The following CFAP46 variants were observed in gnomAD, a reference collection of about 807,000 sequenced individuals.
CFAP46 encodes cilia- and flagella-associated protein 46.
CFAP46 carries 245 observed loss-of-function variants against 325.7 expected under a neutral mutation model. That is an observed-to-expected ratio of 0.75 (90% confidence interval 0.68 to 0.84). The LOEUF (loss-of-function observed/expected upper bound fraction) is 0.84. Among genes scored for constraint, CFAP46 ranks in the 40% least tolerant of loss-of-function variants. The probability of loss-of-function intolerance (pLI) is 0.00; values close to 1 mark genes in which losing one functional copy is unlikely to be tolerated. For missense variants in CFAP46, 3,346 were observed against 3,543.0 expected (o/e 0.94, Z 1.41); for synonymous variants, 1,523 against 1,495.9 (o/e 1.02, Z -0.42).
chr10:132,850,460 G>A lies in CFAP46; in HGVS notation c.5764-28C>T, dbSNP rs376330259. 4.9e-4 allele frequency: 739 copies of A among 1,520,714 alleles called. 4 individuals carry two copies. In the Middle Eastern group the frequency reaches 0.018, roughly 36 times the overall value. 94.2% of individuals were successfully genotyped at this position (1,520,714 alleles called of 1,614,324 possible). A position where few individuals can be genotyped will look rare whatever the true frequency, so the allele number is the denominator to read the frequency against. On this transcript the variant is annotated intron_variant, in intron 40 of 57. Transcript: ENST00000368586. ...TCGAAAAGACAGACATGTTACAGCT[G>A]CCACCCCAAGGGCAACCGCCCACCC...
rs768288009 is a variant in CFAP46, at chr10:132,881,081, C to T, written c.3628-49G>A. Reference sequence around the variant, plus strand: ...GACATCCTCAGGATGGCCCTGAAGGCGTTCCTGACGCAGTGGAATACTTTT... The same window carrying T: ...GACATCCTCAGGATGGCCCTGAAGGTGTTCCTGACGCAGTGGAATACTTTT... On this transcript the variant is annotated intron_variant, in intron 27 of 57. Coordinates refer to ENST00000368586, the MANE Select transcript of CFAP46 (RefSeq NM_001200049.3). 3.7e-4 allele frequency: 555 copies of T among 1,489,164 alleles called. 1 individual carries two copies. Among genetic ancestry groups the T allele is most frequent in the Non-Finnish European group, 4.7e-4 (517 of 1,092,858 alleles). 92.2% of individuals were successfully genotyped at this position (1,489,164 alleles called of 1,614,324 possible). A position where few individuals can be genotyped will look rare whatever the true frequency, so the allele number is the denominator to read the frequency against.
In CFAP46 at chr10:132,836,232, G is replaced by A. The variant is rs1168434501; in HGVS notation, c.6537-14C>T. On this transcript the variant is annotated splice_polypyrimidine_tract_variant and intron_variant, in intron 45 of 57. Coordinates refer to ENST00000368586, the MANE Select transcript of CFAP46 (RefSeq NM_001200049.3). ...TACAGACGGGACCTGCTGGCAGGAC[G>A]TGGGCCAGGGTCGCAGGCAAGCCAT... The A allele has an allele frequency of 3.1e-6, 5 of 1,610,402 alleles. No homozygotes were observed. Among genetic ancestry groups the A allele is most frequent in the Non-Finnish European group, 4.2e-6 (5 of 1,179,286 alleles).
intron 24 of CFAP46, among the ~76,000 whole-genome samples, chr10:132,892,806 C>G (rs1035146857): frequency 6.6e-6 from 1 of 152,172 alleles, no homozygotes; most frequent in Admixed American, 6.5e-5. Flanking sequence ...CCAGTTTTGC[C>G]TCAGCTTCTT....
intron 50 of CFAP46, among the ~76,000 whole-genome samples, chr10:132,822,562 A>G (rs1463353381): frequency 1.2e-5 from 1 of 80,130 alleles, no homozygotes; most frequent in Non-Finnish European, 2.3e-5. Context: ...GTGTGCGCTG[A>G]TGTGTGCTGT....
At chr10:132,928,624 T>C (rs980616411) in intron 9 of CFAP46, among the ~76,000 whole-genome samples, 3 of 152,220 alleles carry the variant, frequency 2.0e-5, no homozygotes, top group Non-Finnish European at 4.4e-5. Context: ...CGTTCACTCT[T>C]AGGTAACCTG....
At position 132,833,468 on chromosome 10, in the gene CFAP46, A is replaced by G; in HGVS notation, c.7007T>C (p.Leu2336Pro). 2 of 1,614,182 alleles carry G rather than the reference A, an allele frequency of 1.2e-6. No homozygotes were observed. The highest frequency in any genetic ancestry group is 1.1e-5 in the South Asian group (1 of 91,078). The change falls in exon 50 of 58, where the codon CTG (leucine) becomes CCG (proline). Residue 2336 changes from leucine to proline, a missense_variant. Transcript: ENST00000368586. ...KIVLVADRHL[L>P]ELPLEGLSVF... ...AGAGAGACCTTCCAGTGGCAGCTCC[A>G]GGAGATGTCTGTCTGCGACCAGGAC...
chr10:132,884,113 G>T lies in CFAP46; in HGVS notation c.3627+990C>A, dbSNP rs965420211. On this transcript the variant is annotated intron_variant, in intron 27 of 57. Transcript: ENST00000368586. The surrounding 1 kb of genome is among the most constrained non-coding windows in gnomAD (Gnocchi z 5.4). ...CAGCTGGGTCCTGCCTTCCCCAGCC[G>T]CCCGCAGCCTCCCCTCCTCAGGCCC... Among the ~76,000 whole-genome samples the T allele has an allele frequency of 6.6e-6, 1 of 152,190 alleles. No individual in the cohort carries two copies. The highest frequency in any genetic ancestry group is 2.4e-5 in the African/African-American group (1 of 41,458).
chr10:132,820,738 GAT>G (rs1292212491), intron 50 of CFAP46, among the ~76,000 whole-genome samples: 1 of 125,844 alleles, frequency 7.9e-6, no homozygotes, highest in East Asian at 2.5e-4. Flanking sequence ...TGTGTGCACT[GAT>G]GTGTGCTGTG....
intron 13 of CFAP46, 123 bp from the exon 14 acceptor site, chr10:132,920,305 G>T: frequency 1.6e-6 from 2 of 1,240,630 alleles, no homozygotes; most frequent in Non-Finnish European, 2.1e-6. Flanking sequence ...GGCTCCAGGG[G>T]CCCTAGATCC....
At chr10:132,856,061 T>C (rs1013591289) in intron 39 of CFAP46, among the ~76,000 whole-genome samples, 3 of 152,214 alleles carry the variant, frequency 2.0e-5, no homozygotes, top group African/African-American at 4.8e-5. Context: ...TGGAGAAACA[T>C]CTTTATCTCA....
rs982826569 is a variant in CFAP46, at chr10:132,878,098, T to C, written c.4006-11A>G. On this transcript the variant is annotated splice_polypyrimidine_tract_variant and intron_variant, in intron 29 of 57. Coordinates refer to ENST00000368586, the MANE Select transcript of CFAP46 (RefSeq NM_001200049.3). Reference sequence around the variant, plus strand: ...TGTCATCAAAGAAACCTGGTGGGGATGAAATCCACATTTGCAGCACTGAAA... The same window carrying C: ...TGTCATCAAAGAAACCTGGTGGGGACGAAATCCACATTTGCAGCACTGAAA... The C allele has an allele frequency of 7.7e-6, 12 of 1,548,476 alleles. No individual in the cohort carries two copies. The highest frequency in any genetic ancestry group is 6.9e-5 in the African/African-American group (5 of 72,960).
At chr10:132,836,937 CAG>C (rs1848259846) in intron 44 of CFAP46, 23 bp from the exon 45 acceptor site, 1 of 1,561,072 alleles carries the variant, frequency 6.4e-7, no homozygotes, top group African/African-American at 1.4e-5. Flanking sequence ...AAACGGCCAT[CAG>C]GGGATGCATT....
intron 50 of CFAP46, among the ~76,000 whole-genome samples, chr10:132,816,450 G>C (rs1225642026): frequency 2.7e-5 from 4 of 150,526 alleles, no homozygotes; most frequent in Non-Finnish European, 5.9e-5. Context: ...TCCTGCCTCA[G>C]CCTCCCGAGT....
Position 132,847,127 on chromosome 10 carries a change from C to T in CFAP46, c.6088-16G>A. ...CCATCCTCCTCTGTGGGGCACAAGGCTCAGGCTCAGGCCAGGCTCCGGGCA... is the reference window on the plus strand; with the variant it reads ...CCATCCTCCTCTGTGGGGCACAAGGTTCAGGCTCAGGCCAGGCTCCGGGCA... On this transcript the variant is annotated splice_polypyrimidine_tract_variant and intron_variant, in intron 42 of 57. Coordinates refer to ENST00000368586, the MANE Select transcript of CFAP46 (RefSeq NM_001200049.3). The surrounding 1 kb of genome is among the most constrained non-coding windows in gnomAD (Gnocchi z 5.2). 1 of 1,608,088 alleles carries T rather than the reference C, an allele frequency of 6.2e-7. No individual in the cohort carries two copies. The highest frequency in any genetic ancestry group is 8.5e-7 in the Non-Finnish European group (1 of 1,177,660).
At chr10:132,887,683 TC>T (rs1317959034) in intron 25 of CFAP46, among the ~76,000 whole-genome samples, 3 of 105,628 alleles carry the variant, frequency 2.8e-5, no homozygotes, top group African/African-American at 1.1e-4. Context: ...CTCTCTCCTC[TC>T]CTCTCTCTCT....
chr10:132,845,651 A>T (rs1340258529), intron 44 of CFAP46, among the ~76,000 whole-genome samples: 1 of 152,234 alleles, frequency 6.6e-6, no homozygotes, highest in Non-Finnish European at 1.5e-5. Context: ...TGCTCCACAG[A>T]CATGTTTCTC....
chr10:132,831,628 T>C (rs970580033), intron 50 of CFAP46, among the ~76,000 whole-genome samples: 3 of 152,230 alleles, frequency 2.0e-5, no homozygotes, highest in South Asian at 2.1e-4. Context: ...TTTCTTTGTA[T>C]TTAAAGTGGG....
At chr10:132,812,248 C>A (rs1271302579) in intron 55 of CFAP46, among the ~76,000 whole-genome samples, 1 of 152,248 alleles carries the variant, frequency 6.6e-6, no homozygotes, top group Non-Finnish European at 1.5e-5. Flanking sequence ...CCCCAGCCTG[C>A]CCTGCCATCC....
Position 132,817,674 on chromosome 10 carries a change from C to T in CFAP46, c.7118-2760G>A, listed in dbSNP as rs139387244. Among the ~76,000 whole-genome samples, 182 of 152,332 alleles carry T rather than the reference C, an allele frequency of 1.2e-3. 1 individual carries two copies. The East Asian group carries it at 0.033, about 28-fold the overall frequency. ...ACACCTGGCGGCGCCCCAGACTCAG[C>T]GGTTGGCGGCTGAGGACACTCAAGG... On this transcript the variant is annotated intron_variant, in intron 50 of 57. Coordinates refer to ENST00000368586, the MANE Select transcript of CFAP46 (RefSeq NM_001200049.3). This position sits in a 1 kb window ranked among gnomAD's most constrained non-coding sequence, Gnocchi z 4.4.
Sources: allele counts gnomAD v4.1 joint callset (sites outside exome capture counted in the v4.1 genomes callset), GRCh38; gene constraint gnomAD v4.1.1; non-coding constraint Gnocchi (gnomAD v3.1); transcripts MANE v1.5; gene names NCBI Gene and HGNC (gene_info 2026-07-23, HGNC 2026-07-21).